ANKFN1: variants seen among roughly 807,000 people sequenced by gnomAD.
The protein encoded by ANKFN1 is ankyrin repeat and fibronectin type-III domain-containing protein 1.
ANKFN1 carries 74 observed loss-of-function variants against 108.7 expected under a neutral mutation model. The ratio of observed to expected loss-of-function variants is 0.68; its 90% CI spans 0.56 to 0.83. The LOEUF is 0.83. Ranked by LOEUF, ANKFN1 falls within the 40% of genes least tolerant of loss-of-function variation. ANKFN1 has a pLI of 0.00. For synonymous variants in ANKFN1, 547 were observed against 516.2 expected, an observed-to-expected ratio of 1.06 and a Z score of -0.81; for missense variants, 1,505 against 1,382.3, an observed-to-expected ratio of 1.09 and a Z score of -1.41.
At position 56,372,687 on chromosome 17, in the gene ANKFN1, G is replaced by C. The variant is rs758539374; in HGVS notation, c.643G>C (p.Val215Leu). Residue 215 changes from valine to leucine, a missense_variant, in exon 7 of 21, where the codon GTC becomes CTC. Val to Leu is a conservative substitution (Grantham distance 32). Transcript: ENST00000682825. ...ESRAMHLNTL[V>L]QEAQERVSEL... is the part of the protein sequence containing the mutation. ...CCGAGCAATGCACCTCAACACACTG[G>C]TCCAGGAAGCCCAGGAGAGGGTGAG... 20 of 1,613,752 alleles carry C rather than the reference G, an allele frequency of 1.2e-5. No homozygotes were observed. The highest frequency in any genetic ancestry group is 1.7e-5 in the Non-Finnish European group (20 of 1,179,952).
intron 4 of ANKFN1, among the ~76,000 whole-genome samples, chr17:56,046,554 T>G (rs1014403164): frequency 6.6e-6 from 1 of 152,208 alleles, no homozygotes; most frequent in Non-Finnish European, 1.5e-5. Flanking sequence ...TTTCTTTTTT[T>G]TCCTTCTTCT....
intron 18 of ANKFN1, 143 bp downstream of exon 18, chr17:56,482,667 A>G (rs1212428040): frequency 1.0e-6 from 1 of 988,286 alleles, no homozygotes; most frequent in Non-Finnish European, 1.4e-6. Flanking sequence ...AGAACTGTGT[A>G]CAAGTCTGAG....
chr17:56,312,685 G>A (rs896792008), intron 3 of ANKFN1, among the ~76,000 whole-genome samples: 33 of 152,002 alleles, frequency 2.2e-4, no homozygotes, highest in African/African-American at 7.5e-4. Context: ...TGATTTTGTC[G>A]TTCATCACAT....
intron 11 of ANKFN1, among the ~76,000 whole-genome samples, chr17:56,449,402 T>A (rs1401457468): frequency 1.3e-5 from 2 of 151,972 alleles, no homozygotes; most frequent in Non-Finnish European, 1.5e-5. Flanking sequence ...CCTCTCTCCA[T>A]ATGAACGGTT....
intron 4 of ANKFN1, among the ~76,000 whole-genome samples, chr17:56,119,163 A>G (rs1906454782): frequency 1.3e-5 from 2 of 152,156 alleles, no homozygotes; most frequent in African/African-American, 2.4e-5. Context: ...CCCATAGATC[A>G]CTGAAATCGT....
At chr17:56,078,499 T>G (rs527499414) in intron 4 of ANKFN1, among the ~76,000 whole-genome samples, 3 of 152,324 alleles carry the variant, frequency 2.0e-5, no homozygotes, top group Admixed American at 2.0e-4. Flanking sequence ...TTGTTAGCTG[T>G]CCATAGTCTT....
upstream of ANKFN1, chr17:56,153,420 T>C (rs1313131036): frequency 6.5e-7 from 1 of 1,537,408 alleles, no homozygotes; most frequent in African/African-American, 1.4e-5. Flanking sequence ...AGGGTTCCCT[T>C]GGCAACGGGA....
chr17:56,138,531 A>C (rs928155936), intron 4 of ANKFN1, among the ~76,000 whole-genome samples: 1 of 145,892 alleles, frequency 6.9e-6, no homozygotes, highest in Non-Finnish European at 1.5e-5. Context: ...TTTTTTTGAG[A>C]CAGAGTCTTG....
rs2051846174 is a variant in ANKFN1, at chr17:56,513,972, T to C, written c.*2703T>C. Among the ~76,000 whole-genome samples, 1 of 152,220 alleles carries C rather than the reference T, an allele frequency of 6.6e-6. No homozygotes were observed. The highest frequency in any genetic ancestry group is 1.5e-5 in the Non-Finnish European group (1 of 68,032). Reference sequence around the variant, plus strand: ...ACATTCTTGTGAGAGACAACTGTGTTCTCTAATTCACAGTCCTTTATTCAT... The same window carrying C: ...ACATTCTTGTGAGAGACAACTGTGTCCTCTAATTCACAGTCCTTTATTCAT... On this transcript the variant is annotated 3_prime_UTR_variant, in exon 21 of 21. Coordinates refer to ENST00000682825, the MANE Select transcript of ANKFN1 (RefSeq NM_001370326.1).
chr17:56,340,446 C>A (rs10852982), intron 4 of ANKFN1, among the ~76,000 whole-genome samples: 66,960 of 151,784 alleles, frequency 0.44, 16,127 homozygotes, highest in East Asian at 0.55. Flanking sequence ...TTGGGATTTA[C>A]ATTTAAGTCT....
At chr17:56,203,734 C>T (rs1307203808) in intron 1 of ANKFN1, among the ~76,000 whole-genome samples, 2 of 152,206 alleles carry the variant, frequency 1.3e-5, no homozygotes, top group African/African-American at 2.4e-5. Context: ...GAAGTCAGCT[C>T]TCCGTGTACC....
At chr17:56,129,977 A>T (rs1907178057) in intron 4 of ANKFN1, among the ~76,000 whole-genome samples, 1 of 152,240 alleles carries the variant, frequency 6.6e-6, no homozygotes, top group Non-Finnish European at 1.5e-5. Context: ...TTTACAGGGG[A>T]GACCTCCTGC....
intron 8 of ANKFN1, among the ~76,000 whole-genome samples, chr17:56,429,382 A>T (rs1329904878): frequency 6.6e-6 from 1 of 152,214 alleles, no homozygotes; most frequent in Admixed American, 6.5e-5. Flanking sequence ...CCTGTAAAGG[A>T]TCAGATAGTA....
chr17:56,268,606 T>C (rs1420426880), intron 3 of ANKFN1, among the ~76,000 whole-genome samples: 1 of 152,094 alleles, frequency 6.6e-6, no homozygotes, highest in Non-Finnish European at 1.5e-5. Flanking sequence ...GAAACTGAGA[T>C]GCAAAAACCC....
chr17:56,347,297 G>T (rs538148415), intron 4 of ANKFN1, among the ~76,000 whole-genome samples: 2 of 152,028 alleles, frequency 1.3e-5, no homozygotes, highest in African/African-American at 4.8e-5. Flanking sequence ...AAGACTTAAG[G>T]TGATAATTTC....
At chr17:56,174,341 C>G in intron 1 of ANKFN1, 7 of 985,586 alleles carry the variant, frequency 7.1e-6, no homozygotes, top group African/African-American at 1.7e-5. Context: ...GAATCCCTAC[C>G]AAGTGTGCAA....
At position 56,513,734 on chromosome 17, in the gene ANKFN1, T is replaced by G. The variant is rs144333420; in HGVS notation, c.*2465T>G. Among the ~76,000 whole-genome samples the G allele has an allele frequency of 9.2e-4, 140 of 152,328 alleles. No homozygotes were observed. Among genetic ancestry groups the G allele is most frequent in the African/African-American group, 3.3e-3 (138 of 41,578 alleles). On this transcript the variant is annotated 3_prime_UTR_variant, in exon 21 of 21. Coordinates refer to ENST00000682825, the MANE Select transcript of ANKFN1 (RefSeq NM_001370326.1). ...TTATATTGGGGACATAAGGTTACTT[T>G]TTCATCTTCTGTGAGGAAAGAAGGC...
rs75982767 is a variant in ANKFN1 at position 56,077,102 on chromosome 17, G to A, written c.288+30777G>A. On this transcript the variant is annotated intron_variant, in intron 4 of 12. Transcript: ENST00000635860. ...TCCACCCAAACCAAATGTTATCAAT[G>A]GCTTTGTTGTGTGAGGCAGGTAGAT... Among the ~76,000 whole-genome samples, 575 of 152,304 alleles carry A rather than the reference G, an allele frequency of 3.8e-3. 5 individuals carry two copies. The highest frequency in any genetic ancestry group is 0.013 in the African/African-American group (534 of 41,560).
intron 3 of ANKFN1, among the ~76,000 whole-genome samples, chr17:56,304,778 G>T (rs2044770515): frequency 6.6e-6 from 1 of 152,076 alleles, no homozygotes. Context: ...ATGGCTAATG[G>T]TGTTGAGTAT....
Sources: allele counts gnomAD v4.1 joint callset (sites outside exome capture counted in the v4.1 genomes callset), GRCh38; gene constraint gnomAD v4.1.1; transcripts MANE v1.5; gene names NCBI Gene and HGNC (gene_info 2026-07-23, HGNC 2026-07-21).